NUP153: variants seen among roughly 807,000 people sequenced by gnomAD.
The protein encoded by NUP153 is nucleoporin 153, also known as nuclear pore complex protein Nup153.
In NUP153, 27 loss-of-function variants were observed where a neutral mutation model predicts 134.6. That is an observed-to-expected ratio of 0.20 (90% confidence interval 0.15 to 0.28). The LOEUF (loss-of-function observed/expected upper bound fraction) is 0.28, where lower values mean the gene tolerates loss of function less well. NUP153 is among the 10% of genes least tolerant of loss of function. NUP153 has a pLI of 1.00. For synonymous variants in NUP153, 640 were observed against 623.5 expected, an observed-to-expected ratio of 1.03 and a Z score of -0.40; for missense variants, 1,821 against 1,731.3, an observed-to-expected ratio of 1.05 and a Z score of -0.92.
intron 13 of NUP153, among the ~76,000 whole-genome samples, 169 bp downstream of exon 13, chr6:17,647,638 T>C (rs1380381060): frequency 5.3e-5 from 8 of 152,254 alleles, no homozygotes; most frequent in Admixed American, 2.6e-4. Flanking sequence ...CATATGTACA[T>C]TATGTAGTGA....
In NUP153 at chr6:17,656,974, G is replaced by A. The variant is rs1376144857; in HGVS notation, c.1395+4679C>T. Among the ~76,000 whole-genome samples the A allele has an allele frequency of 2.0e-5, 3 of 152,296 alleles. No homozygotes were observed. The East Asian group carries it at 5.8e-4, about 29-fold the overall frequency. ...TTCAGTCAGTTTTGTTATCTTGCAA[G>A]TGGAGAGGGCTTTAGCAAGCTGTTT... On this transcript the variant is annotated intron_variant, in intron 11 of 21. Coordinates refer to ENST00000262077, the MANE Select transcript of NUP153 (RefSeq NM_005124.4).
chr6:17,637,023 G>C, intron 16 of NUP153, 130 bp downstream of exon 16: 1 of 914,736 alleles, frequency 1.1e-6, no homozygotes, highest in African/African-American at 1.7e-5. Context: ...TTTACCTCAA[G>C]ATAGTTTAGA....
At position 17,668,975 on chromosome 6, in the gene NUP153, C is replaced by T; in HGVS notation, c.1068G>A (p.Lys356=). 2 of 1,548,202 alleles carry T rather than the reference C, an allele frequency of 1.3e-6. No homozygotes were observed. The highest frequency in any genetic ancestry group is 2.2e-5 in the Admixed American group (1 of 45,372). The change falls in exon 8 of 22, where the codon AAG becomes AAA. Residue 356 remains lysine, a splice_region_variant and synonymous_variant. Transcript: ENST00000262077. ...DITDFQAKRE[K]VDSQYPPVQR... The stretch of plus-strand genomic sequence containing the variant: ...TAACTAAATGCTAAAGAAGTTTTAC[C>T]TTTTCTCTTTTGGCCTGAAAATCTG...
chr6:17,681,212 A>T (rs1270295327), intron 2 of NUP153, among the ~76,000 whole-genome samples: 1 of 75,908 alleles, frequency 1.3e-5, no homozygotes, highest in African/African-American at 4.7e-5. Flanking sequence ...TGACAGCTTT[A>T]AAAAAAAAAA....
chr6:17,629,611 G>A, intron 17 of NUP153, 72 bp from the exon 18 acceptor site: 1 of 1,362,796 alleles, frequency 7.3e-7, no homozygotes, highest in Non-Finnish European at 9.8e-7. Context: ...TAAACACTGT[G>A]AAAGCCAAAG....
In NUP153 at chr6:17,682,925, G is replaced by GGA. The variant is rs758009928; in HGVS notation, c.334+5470_334+5471insTC. 6.5e-5 allele frequency among the ~76,000 whole-genome samples: 8 copies of GGA among 123,766 alleles called. No individual in the cohort carries two copies. The South Asian group carries it at 1.3e-3, about 20-fold the overall frequency. 81.2% of individuals were successfully genotyped at this position (123,766 alleles called of 152,430 possible). A position where few individuals can be genotyped will look rare whatever the true frequency, so the allele number is the denominator to read the frequency against. On this transcript the variant is annotated intron_variant, in intron 2 of 21. Transcript: ENST00000262077. ...AGAGCAAGACTGTCTCAAAAAAGAA[G>GGA]AAAAAAAAAAAAAAAAACACTTTCT...
At chr6:17,699,131 A>G (rs1305348272) in intron 1 of NUP153, among the ~76,000 whole-genome samples, 1 of 152,206 alleles carries the variant, frequency 6.6e-6, no homozygotes, top group East Asian at 1.9e-4. Context: ...TTCCCAACAC[A>G]GAAGAATCTT....
chr6:17,668,826 G>C (rs925842403), intron 8 of NUP153, 149 bp downstream of exon 8: 2 of 544,972 alleles, frequency 3.7e-6, no homozygotes. Context: ...CTGGATGACA[G>C]AGCGAGACTG....
chr6:17,648,357 T>C (rs1263990227), intron 12 of NUP153, among the ~76,000 whole-genome samples: 19 of 152,094 alleles, frequency 1.2e-4, no homozygotes, highest in Admixed American at 1.2e-3. Context: ...GGGCTCACGC[T>C]TGTAATCCTA....
chr6:17,669,064 G>C, intron 7 of NUP153, 36 bp from the exon 8 acceptor site: 1 of 1,394,642 alleles, frequency 7.2e-7, no homozygotes, highest in Admixed American at 2.5e-5. Flanking sequence ...GAATAGATGG[G>C]GAGTTATGAA....
At chr6:17,670,182 C>A (rs574392600) in intron 5 of NUP153, among the ~76,000 whole-genome samples, 98 of 151,300 alleles carry the variant, frequency 6.5e-4, no homozygotes, top group Non-Finnish European at 1.1e-3. Context: ...ATTCTGTTAA[C>A]CCCTTCGGTA....
chr6:17,693,614 C>T (rs898319891), intron 1 of NUP153, among the ~76,000 whole-genome samples: 1 of 152,226 alleles, frequency 6.6e-6, no homozygotes, highest in Non-Finnish European at 1.5e-5. Flanking sequence ...AGGCCGGGAA[C>T]AGTGGCTCAC....
At chr6:17,666,493 G>A (rs1767539333) in intron 8 of NUP153, among the ~76,000 whole-genome samples, 1 of 152,172 alleles carries the variant, frequency 6.6e-6, no homozygotes, top group Non-Finnish European at 1.5e-5. Context: ...CAGCCTGGGA[G>A]ACAGAGCAAG....
At chr6:17,686,907 CGGGGAGTGGGGGGT>C (rs1315009373) in intron 2 of NUP153, among the ~76,000 whole-genome samples, 1 of 52,982 alleles carries the variant, frequency 1.9e-5, no homozygotes, top group African/African-American at 6.5e-5. Context: ...GGGAGGGGGG[CGGGGAGTGGGGGGT>C]GTCATTGTAC....
intron 13 of NUP153, among the ~76,000 whole-genome samples, chr6:17,646,357 G>A (rs752595098): frequency 2.6e-5 from 4 of 151,844 alleles, no homozygotes; most frequent in South Asian, 4.2e-4. Context: ...ACAGGAACTC[G>A]CCACCACACC....
intron 1 of NUP153, among the ~76,000 whole-genome samples, chr6:17,702,513 C>T (rs1237893582): frequency 6.8e-6 from 1 of 148,136 alleles, no homozygotes; most frequent in African/African-American, 2.5e-5. Flanking sequence ...GTCTCAAAAA[C>T]AAAACAAAAA....
intron 11 of NUP153, among the ~76,000 whole-genome samples, chr6:17,652,256 A>G (rs1242936823): frequency 6.6e-6 from 1 of 152,020 alleles, no homozygotes; most frequent in South Asian, 2.1e-4. Flanking sequence ...ATTTTCTTTA[A>G]GAATTATCAA....
At position 17,638,613 on chromosome 6, in the gene NUP153, A is replaced by G. The variant is rs1457367000; in HGVS notation, c.1847-843T>C. Among the ~76,000 whole-genome samples the G allele has an allele frequency of 1.3e-5, 2 of 152,252 alleles. No homozygotes were observed. Among genetic ancestry groups the G allele is most frequent in the Admixed American group, 6.5e-5 (1 of 15,284 alleles). ...GATTGGCAAGATATTAACAGTAACC[A>G]TCTCAAGGCATTACAGATTTCTTTT... On this transcript the variant is annotated intron_variant, in intron 15 of 21. Transcript: ENST00000262077. This position sits in a 1 kb window ranked among gnomAD's most constrained non-coding sequence, Gnocchi z 4.0.
At chr6:17,648,004 T>A (rs1330113045) in intron 12 of NUP153, 99 bp from the exon 13 acceptor site, 1 of 722,126 alleles carries the variant, frequency 1.4e-6, no homozygotes, top group South Asian at 1.7e-5. Context: ...CCAAAGACAC[T>A]AAGTATTTTT....
Sources: gnomAD v4.1 joint callset for allele counts (sites outside exome capture counted in the v4.1 genomes callset) on GRCh38, gnomAD v4.1.1 for gene constraint, Gnocchi (gnomAD v3.1) non-coding constraint, MANE v1.5 for transcripts, NCBI Gene and HGNC (gene_info 2026-07-23, HGNC 2026-07-21) for gene names.